The following VPS13D variants were observed in gnomAD, a reference collection of about 807,000 sequenced individuals.
VPS13D encodes intermembrane lipid transfer protein VPS13D.
In VPS13D, 187 loss-of-function variants were observed where a neutral mutation model predicts 461.9. That is an observed-to-expected ratio of 0.40 (90% CI 0.36 to 0.46). The LOEUF is 0.46. Among genes scored for constraint, VPS13D ranks in the 20% least tolerant of loss-of-function variants. VPS13D has a pLI of 0.60. For missense variants in VPS13D, 4,711 were observed against 5,364.9 expected, an observed-to-expected ratio of 0.88 and a Z score of 3.81; for synonymous variants, 1,951 against 1,986.3, an observed-to-expected ratio of 0.98 and a Z score of 0.47.
rs1426519705 is a variant in VPS13D at position 12,507,264 on chromosome 1, G to A, written c.13035+171G>A. On this transcript the variant is annotated intron_variant, in intron 69 of 69. Coordinates refer to ENST00000620676, the MANE Select transcript of VPS13D (RefSeq NM_015378.4). The surrounding 1 kb of genome is among the most constrained non-coding windows in gnomAD (Gnocchi z 5.3). ...GGGAGGGGCCCAGGGTATGTTCACG[G>A]GGCGATGCTGCCCTCCCAGCTGGCC... 1 of 1,212,256 alleles carries A rather than the reference G, an allele frequency of 8.2e-7. No homozygotes were observed. Among genetic ancestry groups the A allele is most frequent in the Non-Finnish European group, 1.2e-6 (1 of 828,202 alleles). 75.1% of individuals were successfully genotyped at this position (1,212,256 alleles called of 1,614,324 possible).
intron 10 of VPS13D, among the ~76,000 whole-genome samples, chr1:12,259,482 T>C (rs1188667105): frequency 6.6e-6 from 1 of 151,884 alleles, no homozygotes; most frequent in Non-Finnish European, 1.5e-5. Flanking sequence ...TTTTGTATCA[T>C]TTATAGAGAC....
At chr1:12,485,180 T>C (rs1557469451) in intron 67 of VPS13D, among the ~76,000 whole-genome samples, 1 of 152,244 alleles carries the variant, frequency 6.6e-6, no homozygotes, top group South Asian at 2.1e-4. Flanking sequence ...AAATGAGACA[T>C]TTTGTCATTA....
In VPS13D at chr1:12,276,858, G is replaced by A. The variant is rs1345921176; in HGVS notation, c.3270G>A (p.Glu1090=). 10 of 1,614,036 alleles carry A rather than the reference G, an allele frequency of 6.2e-6. No homozygotes were observed. Among genetic ancestry groups the A allele is most frequent in the South Asian group, 3.3e-5 (3 of 91,090 alleles). ...IKLEYQFVSS[E]CPSMNLDSTL... ...TGGAATATCAGTTTGTGAGTTCAGA[G>A]TGCCCATCGATGAATTTAGACAGTA... Residue 1090 remains glutamate (E), a synonymous_variant, in exon 19 of 70, where the codon GAG becomes GAA. Transcript: ENST00000620676. This position sits in a 1 kb window ranked among gnomAD's most constrained non-coding sequence, Gnocchi z 4.5.
intron 67 of VPS13D, among the ~76,000 whole-genome samples, chr1:12,493,119 G>C (rs1249929325): frequency 1.4e-5 from 2 of 145,176 alleles, no homozygotes; most frequent in Admixed American, 1.4e-4. Context: ...TAAATAAAGA[G>C]AGCCCAATGA....
intron 18 of VPS13D, among the ~76,000 whole-genome samples, chr1:12,274,330 G>A (rs1330393276): frequency 6.6e-6 from 1 of 151,956 alleles, no homozygotes; most frequent in African/African-American, 2.4e-5. Context: ...GTGAGCCACC[G>A]CACCTGGCCA....
intron 27 of VPS13D, among the ~76,000 whole-genome samples, chr1:12,310,138 T>A (rs1642692190): frequency 6.6e-6 from 1 of 152,176 alleles, no homozygotes; most frequent in Admixed American, 6.5e-5. Context: ...ATCTAAACTT[T>A]CCCCACTCCC....
At chr1:12,306,083 A>G (rs1464875122) in intron 26 of VPS13D, among the ~76,000 whole-genome samples, 1 of 152,014 alleles carries the variant, frequency 6.6e-6, no homozygotes, top group Non-Finnish European at 1.5e-5. Context: ...TCCCGGGTTC[A>G]CGCCATTCTC....
Position 12,505,810 on chromosome 1 carries a change from A to T in VPS13D, c.12795-1043A>T, listed in dbSNP as rs1259216144. 6.6e-6 allele frequency among the ~76,000 whole-genome samples: 1 copy of T among 152,170 alleles called. No individual in the cohort carries two copies. Among genetic ancestry groups the T allele is most frequent in the East Asian group, 1.9e-4 (1 of 5,196 alleles). ...GGATGGGATCTAGAGAAGTTGGGAG[A>T]GCAGGTGTGCGTCCTGCACGGACCC... On this transcript the variant is annotated intron_variant, in intron 68 of 69. Coordinates refer to ENST00000620676, the MANE Select transcript of VPS13D (RefSeq NM_015378.4). The surrounding 1 kb of genome is among the most constrained non-coding windows in gnomAD (Gnocchi z 4.2).
chr1:12,235,260 C>T (rs74966763), intron 2 of VPS13D, among the ~76,000 whole-genome samples: 3,984 of 152,198 alleles, frequency 0.026, 163 homozygotes, highest in Admixed American at 0.12. Context: ...AATAGAGTAC[C>T]GGTGGTTCAC....
chr1:12,319,672 C>T, intron 32 of VPS13D, 42 bp downstream of exon 32: 6 of 1,612,362 alleles, frequency 3.7e-6, no homozygotes, highest in South Asian at 1.1e-5. Context: ...CGTGTTGGCT[C>T]ACGAGCAAAG....
intron 3 of VPS13D, 138 bp from the exon 4 acceptor site, chr1:12,244,107 GC>G: frequency 1.3e-6 from 1 of 772,236 alleles, no homozygotes; most frequent in Non-Finnish European, 2.0e-6. Flanking sequence ...ATGTGCAAGA[GC>G]CTGCTGCCTG....
At chr1:12,310,794 TCCC>T (rs1642716642) in intron 27 of VPS13D, among the ~76,000 whole-genome samples, 1 of 119,206 alleles carries the variant, frequency 8.4e-6, no homozygotes, top group Non-Finnish European at 1.7e-5. Flanking sequence ...CTTCCTTCCT[TCCC>T]TCCCTCCCTC....
At chr1:12,295,701 A>G (rs1215571091) in intron 24 of VPS13D, among the ~76,000 whole-genome samples, 1 of 152,206 alleles carries the variant, frequency 6.6e-6, no homozygotes, top group Non-Finnish European at 1.5e-5. Flanking sequence ...GATTATCTGT[A>G]GCATGTATAT....
chr1:12,321,230 A>C (rs952034173), intron 32 of VPS13D, among the ~76,000 whole-genome samples: 2 of 152,162 alleles, frequency 1.3e-5, no homozygotes, highest in African/African-American at 4.8e-5. Flanking sequence ...TATACCTATC[A>C]CCCAGTTTTA....
chr1:12,277,913 G>A lies in VPS13D; in HGVS notation c.4325G>A (p.Arg1442Lys), dbSNP rs1641663670. 1.2e-6 allele frequency: 2 copies of A among 1,614,198 alleles called. No homozygotes were observed. The highest frequency in any genetic ancestry group is 1.7e-6 in the Non-Finnish European group (2 of 1,180,026). The change falls in exon 19 of 70, where the codon AGA becomes AAA. Residue 1442 changes from arginine to lysine, a missense_variant. By Grantham distance (26) the Arg-to-Lys change is conservative. Transcript: ENST00000620676. Reference sequence around the variant, plus strand: ...TTGAATTGCACCCAGTTGGCAGGTAGAGAAGCTGTTGGGTCTGAAGGAAGC... The same window carrying A: ...TTGAATTGCACCCAGTTGGCAGGTAAAGAAGCTGTTGGGTCTGAAGGAAGC... ...YSLNCTQLAG[R>K]EAVGSEGSRM... is the part of the protein sequence containing the mutation.
intron 65 of VPS13D, among the ~76,000 whole-genome samples, chr1:12,441,679 C>A (rs1040129522): frequency 2.6e-5 from 4 of 152,194 alleles, no homozygotes; most frequent in African/African-American, 9.7e-5. Context: ...GCTGTCCCCC[C>A]ACCTTCCTGC....
chr1:12,243,845 T>TC (rs1640459462), intron 3 of VPS13D, among the ~76,000 whole-genome samples: 1 of 152,184 alleles, frequency 6.6e-6, no homozygotes, highest in South Asian at 2.1e-4. Flanking sequence ...GTCTGATGAC[T>TC]CCAACTAGTG....
intron 57 of VPS13D, among the ~76,000 whole-genome samples, chr1:12,382,499 A>G (rs17037998): frequency 0.073 from 11,072 of 152,110 alleles, 685 homozygotes; most frequent in African/African-American, 0.15. Flanking sequence ...GAGTATTTGG[A>G]TTGGTTGTCC....
intron 67 of VPS13D, chr1:12,478,624 G>A (rs1436782152): frequency 1.7e-5 from 6 of 358,092 alleles, no homozygotes; most frequent in African/African-American, 6.4e-5. Flanking sequence ...AAGCCTGCAC[G>A]TTTCTTTTCT....
Sources: gnomAD v4.1 joint callset for allele counts (sites outside exome capture counted in the v4.1 genomes callset) on GRCh38, gnomAD v4.1.1 for gene constraint, Gnocchi (gnomAD v3.1) non-coding constraint, MANE v1.5 for transcripts, NCBI Gene and HGNC (gene_info 2026-07-23, HGNC 2026-07-21) for gene names.